The following ZDHHC21 variants were observed in gnomAD, a reference collection of about 807,000 sequenced individuals.
ZDHHC21 encodes the protein palmitoyltransferase ZDHHC21.
In ZDHHC21, 15 loss-of-function variants were observed where a neutral mutation model predicts 34.6. That is an observed-to-expected ratio of 0.43 (90% CI 0.29 to 0.67). The LOEUF (loss-of-function observed/expected upper bound fraction) is 0.67. Among genes scored for constraint, ZDHHC21 ranks in the 30% least tolerant of loss-of-function variants. The pLI, the probability that ZDHHC21 is intolerant of heterozygous loss-of-function variation, is 0.14. For missense variants in ZDHHC21, 344 were observed against 327.7 expected (o/e 1.05, Z -0.38); for synonymous variants, 142 against 101.8 (o/e 1.40, Z -2.38).
chr9:14,654,397 C>CA (rs71323903), intron 7 of ZDHHC21, among the ~76,000 whole-genome samples: 133,376 of 150,626 alleles, frequency 0.89, 59,152 homozygotes, highest in East Asian at 0.93. Flanking sequence ...TATATCCTAT[C>CA]AAAAAAAAAG....
chr9:14,634,809 T>A (rs1490293822), intron 8 of ZDHHC21, among the ~76,000 whole-genome samples: 1 of 151,978 alleles, frequency 6.6e-6, no homozygotes, highest in Non-Finnish European at 1.5e-5. Flanking sequence ...AATATGGCAC[T>A]CCAAAGAAAT....
downstream of ZDHHC21, among the ~76,000 whole-genome samples, chr9:14,608,380 C>G (rs936851079): frequency 6.6e-6 from 1 of 152,082 alleles, no homozygotes; most frequent in Non-Finnish European, 1.5e-5. Context: ...TCACCCAAAC[C>G]ATGCTACAAT....
the ZDHHC21 span, among the ~76,000 whole-genome samples, chr9:14,601,663 T>A: frequency 1.8e-4 from 27 of 152,228 alleles, no homozygotes; most frequent in African/African-American, 5.8e-4. Context: ...CCCAAAGGAT[T>A]ATAAATCATT....
At chr9:14,625,679 C>T (rs1454246799) in intron 8 of ZDHHC21, among the ~76,000 whole-genome samples, 13 of 151,760 alleles carry the variant, frequency 8.6e-5, no homozygotes, top group African/African-American at 3.1e-4. Context: ...GAAAGAAATA[C>T]CTCAATTACC....
At chr9:14,632,097 C>T (rs1432726204) in intron 8 of ZDHHC21, among the ~76,000 whole-genome samples, 1 of 148,566 alleles carries the variant, frequency 6.7e-6, no homozygotes, top group Admixed American at 6.7e-5. Flanking sequence ...ACACTATCTA[C>T]AAAGCACAAT....
rs1431976872 is a variant in ZDHHC21, at chr9:14,669,300, G to A, written c.253+3530C>T. On this transcript the variant is annotated intron_variant, in intron 5 of 9. Coordinates refer to ENST00000380916, the MANE Select transcript of ZDHHC21 (RefSeq NM_178566.6). ...GAGAAATGCAAATCAAAACCACTAT[G>A]AGATACCATCTCACACCAGTTAGAA... Among the ~76,000 whole-genome samples the A allele has an allele frequency of 2.8e-5, 4 of 143,892 alleles. No individual in the cohort carries two copies. In the East Asian group the frequency reaches 8.6e-4, roughly 31 times the overall value. 94.4% of individuals were successfully genotyped at this position (143,892 alleles called of 152,430 possible).
Position 14,614,825 on chromosome 9 carries a change from G to C in ZDHHC21, c.*4141C>G, listed in dbSNP as rs1466692436. ...GAAAATCTAATATTTGTATCTATTA[G>C]CAAACTACTCAATGTTTGTATGTGT... On this transcript the variant is annotated 3_prime_UTR_variant, in exon 10 of 10. Transcript: ENST00000380916. 1 of 151,564 alleles carries C rather than the reference G, an allele frequency of 6.6e-6. No homozygotes were observed. The highest frequency in any genetic ancestry group is 2.4e-5 in the African/African-American group (1 of 41,356). 9.4% of individuals were successfully genotyped at this position (151,564 alleles called of 1,614,324 possible).
At chr9:14,663,443 A>C (rs564755627) in intron 5 of ZDHHC21, among the ~76,000 whole-genome samples, 86 of 152,130 alleles carry the variant, frequency 5.7e-4, no homozygotes, top group African/African-American at 2.0e-3. Flanking sequence ...AATAAAAGTG[A>C]AAGATAATAG....
rs192425699 is a variant in ZDHHC21 at position 14,618,308 on chromosome 9, T to C, written c.*658A>G. Reference sequence around the variant, plus strand: ...GAAAAAAATTTTAACATTTCCTTTATAGTAAGGTAGGTAGTTGGTGTTTTA... The same window carrying C: ...GAAAAAAATTTTAACATTTCCTTTACAGTAAGGTAGGTAGTTGGTGTTTTA... On this transcript the variant is annotated 3_prime_UTR_variant, in exon 10 of 10. Coordinates refer to ENST00000380916, the MANE Select transcript of ZDHHC21 (RefSeq NM_178566.6). 48 of 152,616 alleles carry C rather than the reference T, an allele frequency of 3.1e-4. No individual in the cohort carries two copies. The highest frequency in any genetic ancestry group is 3.1e-3 in the Admixed American group (48 of 15,274). 9.5% of individuals were successfully genotyped at this position (152,616 alleles called of 1,614,324 possible).
At chr9:14,668,655 T>TA (rs1834922590) in intron 5 of ZDHHC21, among the ~76,000 whole-genome samples, 1 of 150,278 alleles carries the variant, frequency 6.7e-6, no homozygotes, top group Non-Finnish European at 1.5e-5. Flanking sequence ...AAAACAGAGA[T>TA]ATAGACCAAT....
At chr9:14,658,019 A>G (rs541650132) in intron 7 of ZDHHC21, among the ~76,000 whole-genome samples, 1 of 152,344 alleles carries the variant, frequency 6.6e-6, no homozygotes, top group South Asian at 2.1e-4. Flanking sequence ...AACTTTTTAA[A>G]GCATCCTGCA....
At chr9:14,662,049 G>T (rs2133945329) in intron 6 of ZDHHC21, among the ~76,000 whole-genome samples, 166 bp downstream of exon 6, 1 of 152,248 alleles carries the variant, frequency 6.6e-6, no homozygotes, top group African/African-American at 2.4e-5. Context: ...GTGGAAAAAT[G>T]ACTTTGGGAG....
At chr9:14,686,867 G>A (rs986342298) in intron 2 of ZDHHC21, among the ~76,000 whole-genome samples, 1 of 150,154 alleles carries the variant, frequency 6.7e-6, no homozygotes, top group East Asian at 1.9e-4. Flanking sequence ...CAACTACTTA[G>A]GAGGTTAAGG....
Position 14,649,231 on chromosome 9 carries a change from A to G in ZDHHC21, c.505-9219T>C, listed in dbSNP as rs79373108. ...TTTTGTTTTTCTCTGTTGTTAAAAGAATAGAAACACCTGGAGACAGTAAAA... is the reference window on the plus strand; with the variant it reads ...TTTTGTTTTTCTCTGTTGTTAAAAGGATAGAAACACCTGGAGACAGTAAAA... On this transcript the variant is annotated intron_variant, in intron 7 of 9. Transcript: ENST00000380916. 9.0e-3 allele frequency among the ~76,000 whole-genome samples: 1,363 copies of G among 152,260 alleles called. 6 individuals are homozygous for G. Among genetic ancestry groups the G allele is most frequent in the Non-Finnish European group, 0.015 (1,029 of 67,990 alleles).
At position 14,655,436 on chromosome 9, in the gene ZDHHC21, A is replaced by C. The variant is rs548284729; in HGVS notation, c.504+3313T>G. Among the ~76,000 whole-genome samples the C allele has an allele frequency of 2.0e-5, 3 of 152,106 alleles. No homozygotes were observed. The East Asian group carries it at 5.8e-4, about 29-fold the overall frequency. On this transcript the variant is annotated intron_variant, in intron 7 of 9. Coordinates refer to ENST00000380916, the MANE Select transcript of ZDHHC21 (RefSeq NM_178566.6). ...AGATAACTCAAAACAAATACTGACT[A>C]TAGGTAACATATAACTTGTATAACA...
At chr9:14,631,450 C>T (rs1464431519) in intron 8 of ZDHHC21, among the ~76,000 whole-genome samples, 1 of 152,264 alleles carries the variant, frequency 6.6e-6, no homozygotes, top group Non-Finnish European at 1.5e-5. Flanking sequence ...AAAAATTTCT[C>T]CATATCAACA....
the ZDHHC21 span, among the ~76,000 whole-genome samples, chr9:14,597,177 G>A: frequency 6.6e-6 from 1 of 152,078 alleles, no homozygotes; most frequent in Non-Finnish European, 1.5e-5. Flanking sequence ...CGAGACCCAA[G>A]CAACTATAGC....
intron 3 of ZDHHC21, 131 bp from the exon 4 acceptor site, chr9:14,674,516 A>G (rs1013293407): frequency 8.0e-6 from 4 of 501,562 alleles, no homozygotes; most frequent in Middle Eastern, 9.4e-4. Flanking sequence ...TGTAGTTGAT[A>G]TATTTATTGA....
At chr9:14,677,651 A>G (rs924307330) in intron 3 of ZDHHC21, among the ~76,000 whole-genome samples, 4 of 152,082 alleles carry the variant, frequency 2.6e-5, no homozygotes, top group Non-Finnish European at 4.4e-5. Flanking sequence ...TGGTACTTCA[A>G]CATTTTTTAA....
Sources: gnomAD v4.1 joint callset for allele counts (sites outside exome capture counted in the v4.1 genomes callset) on GRCh38, gnomAD v4.1.1 for gene constraint, MANE v1.5 for transcripts, NCBI Gene and HGNC (gene_info 2026-07-23, HGNC 2026-07-21) for gene names.